The following NTRK2 variants were observed in gnomAD, a reference collection of about 807,000 sequenced individuals.
NTRK2 encodes the protein BDNF/NT-3 growth factors receptor.
Under a neutral mutation model 94.5 loss-of-function variants are expected in NTRK2, and 13 were observed. That is an observed-to-expected ratio of 0.14 (90% CI 0.09 to 0.22). The LOEUF is 0.22. Among genes scored for constraint, NTRK2 ranks in the 10% least tolerant of loss-of-function variants. The pLI, the probability that NTRK2 is intolerant of heterozygous loss-of-function variation, is 1.00. For synonymous variants in NTRK2, 372 were observed against 407.4 expected (o/e 0.91, Z 1.05); for missense variants, 639 against 1,071.2 (o/e 0.60, Z 5.63).
intron 14 of NTRK2, among the ~76,000 whole-genome samples, chr9:84,912,866 T>C (rs2077283212): frequency 6.6e-6 from 1 of 152,102 alleles, no homozygotes; most frequent in Non-Finnish European, 1.5e-5. Flanking sequence ...TCCGCCCACC[T>C]CGGCCTCCCA....
In NTRK2 at chr9:84,714,151, GT is replaced by G. The variant is rs2061571791; in HGVS notation, c.583+3363del. Among the ~76,000 whole-genome samples the G allele has an allele frequency of 3.3e-5, 5 of 152,202 alleles. No individual in the cohort carries two copies. The South Asian group carries it at 1.0e-3, about 32-fold the overall frequency. ...TTGCTCATTACTTAGCTTTTCAGCT[GT>G]TTCTCCAGCTGCTGATTTTTTTTCC... On this transcript the variant is annotated intron_variant, in intron 6 of 18. Transcript: ENST00000277120.
rs754334700 is a variant in NTRK2 at position 85,024,301 on chromosome 9, C to T, written c.*2864C>T. ...CTGATTTTTAGAAGAGTGGCATCCT[C>T]GTTCTAAAATGTAATGATCACCAAA... On this transcript the variant is annotated 3_prime_UTR_variant, in exon 19 of 19. Coordinates refer to ENST00000277120, the MANE Select transcript of NTRK2 (RefSeq NM_006180.6). The T allele has an allele frequency of 2.1e-5, 5 of 232,772 alleles. No individual in the cohort carries two copies. Among genetic ancestry groups the T allele is most frequent in the East Asian group, 1.8e-4 (3 of 16,536 alleles). 14.4% of individuals were successfully genotyped at this position (232,772 alleles called of 1,614,324 possible).
At chr9:84,687,131 C>A (rs1455433720) in intron 2 of NTRK2, among the ~76,000 whole-genome samples, 1 of 152,060 alleles carries the variant, frequency 6.6e-6, no homozygotes, top group Non-Finnish European at 1.5e-5. Context: ...TCAGGCCGGT[C>A]TTGAACTCCT....
chr9:84,892,343 G>T (rs1564438874), intron 14 of NTRK2, among the ~76,000 whole-genome samples: 1 of 152,176 alleles, frequency 6.6e-6, no homozygotes, highest in African/African-American at 2.4e-5. Flanking sequence ...TTCTGTGTGA[G>T]AGATTCCATG....
intron 14 of NTRK2, among the ~76,000 whole-genome samples, chr9:84,916,453 C>G (rs2077395727): frequency 6.6e-6 from 1 of 152,166 alleles, no homozygotes; most frequent in Non-Finnish European, 1.5e-5. Context: ...GGTACTGTTT[C>G]CCACTAGACC....
chr9:84,852,782 A>G (rs1361294011), intron 12 of NTRK2, among the ~76,000 whole-genome samples: 1 of 152,212 alleles, frequency 6.6e-6, no homozygotes, highest in Non-Finnish European at 1.5e-5. Flanking sequence ...TCAAAACTAA[A>G]TGTTTGAAAT....
intron 12 of NTRK2, chr9:84,812,114 G>C: frequency 9.4e-7 from 1 of 1,059,526 alleles, no homozygotes; most frequent in Non-Finnish European, 1.1e-6. Flanking sequence ...AGGTTCTATA[G>C]ATTTTTAACT....
intron 14 of NTRK2, among the ~76,000 whole-genome samples, chr9:84,882,731 C>CGT (rs2076298913): frequency 6.8e-6 from 1 of 147,244 alleles, no homozygotes; most frequent in South Asian, 2.1e-4. Context: ...CGCGCGCGCG[C>CGT]GCATGTGTGC....
intron 14 of NTRK2, among the ~76,000 whole-genome samples, chr9:84,907,527 C>T (rs994144200): frequency 1.5e-4 from 23 of 152,276 alleles, no homozygotes; most frequent in African/African-American, 5.3e-4. Flanking sequence ...AAACAGCACA[C>T]ATATTTTTGT....
At chr9:85,008,151 C>A (rs1299270702) in intron 17 of NTRK2, among the ~76,000 whole-genome samples, 5 of 151,926 alleles carry the variant, frequency 3.3e-5, no homozygotes, top group African/African-American at 9.7e-5. Context: ...CAGAAGGGAA[C>A]TGACAGCATC....
At chr9:84,885,214 T>G (rs1375262659) in intron 14 of NTRK2, among the ~76,000 whole-genome samples, 1 of 152,232 alleles carries the variant, frequency 6.6e-6, no homozygotes, top group African/African-American at 2.4e-5. Flanking sequence ...AGAAGTTATT[T>G]AGCATGGCTT....
intron 14 of NTRK2, among the ~76,000 whole-genome samples, chr9:84,895,169 A>G (rs962396768): frequency 6.6e-5 from 10 of 152,324 alleles, no homozygotes; most frequent in Admixed American, 1.3e-4. Flanking sequence ...AATGTCTTCT[A>G]AAGTAAAGAC....
intron 17 of NTRK2, among the ~76,000 whole-genome samples, chr9:84,997,192 G>A (rs933704900): frequency 6.6e-6 from 1 of 152,206 alleles, no homozygotes; most frequent in African/African-American, 2.4e-5. Context: ...GGTAGGTATA[G>A]GGTTGGGCAG....
chr9:84,995,236 G>T (rs1228544780), intron 17 of NTRK2, among the ~76,000 whole-genome samples: 1 of 152,112 alleles, frequency 6.6e-6, no homozygotes, highest in South Asian at 2.1e-4. Flanking sequence ...GGCTTCAGAA[G>T]GTGTCACACT....
At chr9:84,939,067 A>AAG (rs1554772371) in intron 15 of NTRK2, among the ~76,000 whole-genome samples, 2 of 144,560 alleles carry the variant, frequency 1.4e-5, no homozygotes, top group African/African-American at 2.6e-5. Flanking sequence ...AAAAAAAAAA[A>AAG]AAAAGAAAAG....
At chr9:84,691,599 G>A (rs1446644599) in intron 2 of NTRK2, among the ~76,000 whole-genome samples, 1 of 152,154 alleles carries the variant, frequency 6.6e-6, no homozygotes, top group Non-Finnish European at 1.5e-5. Context: ...AGACCAAGCA[G>A]CCTGGTCTGT....
At chr9:84,736,962 G>GAA (rs2063305234) in intron 9 of NTRK2, among the ~76,000 whole-genome samples, 1 of 152,212 alleles carries the variant, frequency 6.6e-6, no homozygotes, top group African/African-American at 2.4e-5. Context: ...CCATGAGTGA[G>GAA]AAAATACTGT....
chr9:84,962,810 G>C (rs1329818759), intron 17 of NTRK2, among the ~76,000 whole-genome samples: 1 of 152,182 alleles, frequency 6.6e-6, no homozygotes, highest in East Asian at 1.9e-4. Context: ...GGGTACAGAG[G>C]GAAGAGCATC....
At chr9:84,911,094 C>A (rs1587905723) in intron 14 of NTRK2, among the ~76,000 whole-genome samples, 1 of 152,228 alleles carries the variant, frequency 6.6e-6, no homozygotes, top group East Asian at 1.9e-4. Flanking sequence ...TTTGAGTATG[C>A]AAATCCTACA....
Sources: gnomAD v4.1 joint callset for allele counts (sites outside exome capture counted in the v4.1 genomes callset) on GRCh38, gnomAD v4.1.1 for gene constraint, MANE v1.5 for transcripts, NCBI Gene and HGNC (gene_info 2026-07-23, HGNC 2026-07-21) for gene names.